The following HS6ST3 variants were observed in gnomAD, a reference collection of about 807,000 sequenced individuals.
HS6ST3 encodes the protein heparan-sulfate 6-O-sulfotransferase 3.
In HS6ST3, 12 loss-of-function variants were observed where a neutral mutation model predicts 36.7. That is an observed-to-expected ratio of 0.33 (90% CI 0.21 to 0.53). The LOEUF is 0.53. Ranked by LOEUF, HS6ST3 falls within the 20% of genes least tolerant of loss-of-function variation. HS6ST3 has a pLI of 0.95. For missense variants in HS6ST3, 584 were observed against 640.9 expected, an observed-to-expected ratio of 0.91 and a Z score of 0.96; for synonymous variants, 240 against 257.5, an observed-to-expected ratio of 0.93 and a Z score of 0.65.
chr13:96,436,224 A>G (rs1052757541), intron 1 of HS6ST3, among the ~76,000 whole-genome samples: 2 of 152,204 alleles, frequency 1.3e-5, no homozygotes, highest in African/African-American at 2.4e-5. Context: ...CATCAGTCCT[A>G]TAGAGGAGAA....
At chr13:96,686,632 T>A (rs564567312) in intron 1 of HS6ST3, among the ~76,000 whole-genome samples, 22 of 152,146 alleles carry the variant, frequency 1.4e-4, no homozygotes, top group African/African-American at 5.3e-4. Context: ...GGCCTATGTG[T>A]CCTGCAACTA....
chr13:96,169,246 T>C (rs116997804), intron 1 of HS6ST3, among the ~76,000 whole-genome samples: 2,639 of 112,588 alleles, frequency 0.023, 37 homozygotes, highest in South Asian at 0.084. Context: ...GAGTTTCTCA[T>C]GTCCAGTGTG....
chr13:96,518,495 A>G (rs1161379374), intron 1 of HS6ST3, among the ~76,000 whole-genome samples: 3 of 152,168 alleles, frequency 2.0e-5, no homozygotes, highest in Non-Finnish European at 4.4e-5. Context: ...GTACAAAACT[A>G]TCAGCTTTTT....
intron 1 of HS6ST3, among the ~76,000 whole-genome samples, chr13:96,535,557 CAAAAA>C (rs5805976): frequency 8.0e-6 from 1 of 125,230 alleles, no homozygotes; most frequent in Admixed American, 8.3e-5. Flanking sequence ...GACTCTGTTT[CAAAAA>C]AAAAAAAAAA....
chr13:96,248,769 GA>G (rs1371162741), intron 1 of HS6ST3, among the ~76,000 whole-genome samples: 2 of 152,146 alleles, frequency 1.3e-5, no homozygotes, highest in Non-Finnish European at 1.5e-5. Context: ...CCTACCACCT[GA>G]AAACTGCTAT....
At chr13:96,126,962 T>A (rs1345766020) in intron 1 of HS6ST3, among the ~76,000 whole-genome samples, 1 of 152,178 alleles carries the variant, frequency 6.6e-6, no homozygotes, top group African/African-American at 2.4e-5. Flanking sequence ...AAACTGGGCC[T>A]ATAAAGGTGA....
chr13:96,324,806 A>G (rs1262716847), intron 1 of HS6ST3, among the ~76,000 whole-genome samples: 2 of 152,218 alleles, frequency 1.3e-5, no homozygotes, highest in African/African-American at 4.8e-5. Context: ...GGCCTAGAAT[A>G]GATTGTCTCT....
intron 1 of HS6ST3, among the ~76,000 whole-genome samples, chr13:96,498,461 T>A (rs2138911130): frequency 6.6e-6 from 1 of 152,286 alleles, no homozygotes; most frequent in South Asian, 2.1e-4. Context: ...TTAGGATGGC[T>A]CCTTGTCTTT....
intron 1 of HS6ST3, among the ~76,000 whole-genome samples, chr13:96,593,192 T>C: frequency 8.7e-6 from 1 of 114,652 alleles, no homozygotes; most frequent in Non-Finnish European, 1.8e-5. Context: ...TTTTTTTTTT[T>C]TTTTTTTTTG....
chr13:96,188,451 C>T (rs1184438297), intron 1 of HS6ST3, among the ~76,000 whole-genome samples: 1 of 151,692 alleles, frequency 6.6e-6, no homozygotes, highest in African/African-American at 2.4e-5. Flanking sequence ...CCCCCCATCG[C>T]TACAAAAACA....
At chr13:96,670,815 G>T (rs1349443978) in intron 1 of HS6ST3, among the ~76,000 whole-genome samples, 1 of 152,128 alleles carries the variant, frequency 6.6e-6, no homozygotes, top group Non-Finnish European at 1.5e-5. Flanking sequence ...ACAATGACTG[G>T]CCAACAGAGA....
intron 1 of HS6ST3, among the ~76,000 whole-genome samples, chr13:96,749,335 T>C (rs1876641627): frequency 6.6e-6 from 1 of 152,226 alleles, no homozygotes; most frequent in South Asian, 2.1e-4. Context: ...TTGTTATTTA[T>C]GTATCATTAT....
At chr13:96,774,037 A>AG in intron 1 of HS6ST3, among the ~76,000 whole-genome samples, 1 of 152,328 alleles carries the variant, frequency 6.6e-6, no homozygotes, top group African/African-American at 2.4e-5. Context: ...CAGGCAAACA[A>AG]GGTCTGGAGT....
chr13:96,101,497 C>G (rs1292545691), intron 1 of HS6ST3, among the ~76,000 whole-genome samples: 1 of 151,646 alleles, frequency 6.6e-6, no homozygotes, highest in Non-Finnish European at 1.5e-5. Flanking sequence ...CCTTTTGGTG[C>G]AAAATATTAT....
chr13:96,326,352 A>G (rs1466210821), intron 1 of HS6ST3, among the ~76,000 whole-genome samples: 1 of 101,674 alleles, frequency 9.8e-6, no homozygotes, highest in Non-Finnish European at 1.8e-5. Flanking sequence ...AACAGGCCCC[A>G]GTGTGTGATG....
At chr13:96,629,862 G>C (rs2056526027) in intron 1 of HS6ST3, among the ~76,000 whole-genome samples, 1 of 151,406 alleles carries the variant, frequency 6.6e-6, no homozygotes, top group South Asian at 2.1e-4. Context: ...TTATTCATTA[G>C]CTCCCCTAGA....
chr13:96,601,447 G>T (rs2056421277), intron 1 of HS6ST3, among the ~76,000 whole-genome samples: 1 of 151,762 alleles, frequency 6.6e-6, no homozygotes, highest in Non-Finnish European at 1.5e-5. Flanking sequence ...CCCTAACTGT[G>T]TTTATAATTT....
At chr13:96,709,883 A>T (rs961302792) in intron 1 of HS6ST3, among the ~76,000 whole-genome samples, 1 of 152,230 alleles carries the variant, frequency 6.6e-6, no homozygotes, top group Non-Finnish European at 1.5e-5. Context: ...GGAAGTGGTA[A>T]ATTGAAACAG....
rs571854627 is a variant in HS6ST3, at chr13:96,196,515, T to TA, written c.707+104947dup. ...ATTGAGTCTTCTTTTGGACAGTTGA[T>TA]ACAAAACAGCATAGAGAGAATGAGT... is the stretch of plus-strand genomic sequence containing the variant. On this transcript the variant is annotated intron_variant, in intron 1 of 1. Transcript: ENST00000376705. 1.8e-3 allele frequency among the ~76,000 whole-genome samples: 268 copies of TA among 152,284 alleles called. 2 individuals carry two copies. The highest frequency in any genetic ancestry group is 6.2e-3 in the African/African-American group (256 of 41,548).
Sources: allele counts gnomAD v4.1 joint callset (sites outside exome capture counted in the v4.1 genomes callset), GRCh38; gene constraint gnomAD v4.1.1; transcripts MANE v1.5; gene names NCBI Gene and HGNC (gene_info 2026-07-23, HGNC 2026-07-21).